Variants in TDRD12 observed in about 807,000 individuals in gnomAD.
TDRD12 encodes the protein putative ATP-dependent RNA helicase TDRD12.
A neutral mutation model predicts 133.5 loss-of-function variants in TDRD12; 158 were observed. The observed-to-expected ratio is 1.18, with a 90% CI of 1.04 to 1.35. TDRD12 has a LOEUF of 1.35. Among genes scored for constraint, TDRD12 ranks in the 40% most tolerant of loss-of-function variants. The pLI, the probability that TDRD12 is intolerant of heterozygous loss-of-function variation, is 0.00. For synonymous variants in TDRD12, 460 were observed against 477.9 expected, an observed-to-expected ratio of 0.96 and a Z score of 0.49; for missense variants, 1,443 against 1,321.3, an observed-to-expected ratio of 1.09 and a Z score of -1.43.
At chr19:32,815,328 C>T (rs956250985) in intron 25 of TDRD12, 120 bp from the exon 26 acceptor site, 17 of 791,836 alleles carry the variant, frequency 2.1e-5, no homozygotes, top group South Asian at 1.7e-4. Context: ...TTGTGGCAAG[C>T]GCCGAAGTGC....
Position 32,720,097 on chromosome 19 carries a change from G to T in TDRD12, c.24+1G>T, listed in dbSNP as rs1323530487. 6.5e-7 allele frequency: 1 copy of T among 1,547,886 alleles called. No individual in the cohort carries two copies. Among genetic ancestry groups the T allele is most frequent in the Admixed American group, 2.0e-5 (1 of 50,886 alleles). On this transcript the variant is annotated splice_donor_variant, in intron 1 of 27. Coordinates refer to ENST00000444215, the Ensembl canonical transcript of TDRD12. LOFTEE classifies it high-confidence loss of function. ...GATGCTCCAGCTCCTGGTGCTGAAGGTGAGCGCCGCCAAGCCAGACCCACG... is the reference window on the plus strand; with the variant it reads ...GATGCTCCAGCTCCTGGTGCTGAAGTTGAGCGCCGCCAAGCCAGACCCACG...
intron 10 of TDRD12, among the ~76,000 whole-genome samples, chr19:32,775,891 G>A (rs938822744): frequency 6.6e-6 from 1 of 152,102 alleles, no homozygotes; most frequent in Non-Finnish European, 1.5e-5. Context: ...GTTATGTTGC[G>A]AGATTCTGGT....
intron 1 of TDRD12, among the ~76,000 whole-genome samples, chr19:32,725,823 G>A (rs1433411480): frequency 6.6e-6 from 1 of 151,988 alleles, no homozygotes; most frequent in African/African-American, 2.4e-5. Flanking sequence ...CCATTTTCAC[G>A]ATGCTCTTCC....
intron 14 of TDRD12, among the ~76,000 whole-genome samples, chr19:32,795,378 G>A (rs993348184): frequency 7.3e-5 from 11 of 151,202 alleles, no homozygotes; most frequent in African/African-American, 1.2e-4. Context: ...AATGGATATC[G>A]AGTGTGTAAA....
chr19:32,731,271 C>T (rs1969042352), intron 1 of TDRD12, among the ~76,000 whole-genome samples: 1 of 151,980 alleles, frequency 6.6e-6, no homozygotes, highest in African/African-American at 2.4e-5. Context: ...AAGAAGAATA[C>T]AAATCAGGCA....
At chr19:32,760,511 G>A (rs2145561925) in intron 8 of TDRD12, among the ~76,000 whole-genome samples, 1 of 152,328 alleles carries the variant, frequency 6.6e-6, no homozygotes, top group East Asian at 1.9e-4. Flanking sequence ...AAGGGCTACA[G>A]TGAAAAATAA....
chr19:32,826,155 T>G, downstream of TDRD12: 1 of 1,535,866 alleles, frequency 6.5e-7, no homozygotes, highest in Non-Finnish European at 8.7e-7. Flanking sequence ...CAGCCGCCTC[T>G]GAAAAGGTAC....
At chr19:32,785,571 C>G (rs1048712224) in intron 11 of TDRD12, among the ~76,000 whole-genome samples, 2 of 152,016 alleles carry the variant, frequency 1.3e-5, no homozygotes, top group African/African-American at 4.8e-5. Flanking sequence ...GTTAAAGTCT[C>G]CCATTTATTA....
chr19:32,753,227 T>C (rs1166745226), intron 6 of TDRD12, among the ~76,000 whole-genome samples: 1 of 152,172 alleles, frequency 6.6e-6, no homozygotes, highest in East Asian at 1.9e-4. Context: ...GCAGAAAATA[T>C]TAGGAAATAT....
chr19:32,735,168 T>C (rs147498866), intron 2 of TDRD12, among the ~76,000 whole-genome samples: 272 of 152,172 alleles, frequency 1.8e-3, no homozygotes, highest in African/African-American at 6.2e-3. Flanking sequence ...AAAGCTGAGA[T>C]AGGCTGAAAG....
intron 22 of TDRD12, 63 bp from the exon 23 acceptor site, chr19:32,810,030 A>G (rs1966945063): frequency 9.8e-7 from 1 of 1,025,144 alleles, no homozygotes; most frequent in Non-Finnish European, 1.4e-6. Context: ...GATACAGGGA[A>G]TGTGTACATA....
At chr19:32,754,503 A>G (rs1969930986) in intron 6 of TDRD12, among the ~76,000 whole-genome samples, 1 of 151,972 alleles carries the variant, frequency 6.6e-6, no homozygotes, top group South Asian at 2.1e-4. Flanking sequence ...CTGCAGAACC[A>G]GTCGTTTTTT....
At chr19:32,726,126 G>A (rs774437029) in intron 1 of TDRD12, among the ~76,000 whole-genome samples, 15 of 151,462 alleles carry the variant, frequency 9.9e-5, no homozygotes, top group Non-Finnish European at 2.1e-4. Flanking sequence ...TGTCGCCCAG[G>A]CCGGAATGCA....
Position 32,815,999 on chromosome 19 carries a change from GA to G in TDRD12, c.3314+391del, listed in dbSNP as rs376754025. Among the ~76,000 whole-genome samples, 596 of 127,290 alleles carry G rather than the reference GA, an allele frequency of 4.7e-3. 9 individuals are homozygous for G. The highest frequency in any genetic ancestry group is 0.022 in the East Asian group (95 of 4,310). The allele number at this position is 127,290 out of a possible 152,430, so 83.5% of individuals were successfully genotyped here. A position where few individuals can be genotyped will look rare whatever the true frequency, so the allele number is the denominator to read the frequency against. ...CAGAGTGAGACTACGTCTCAAAAAA[GA>G]AAAAAAAAAAAGTAGAAGGGTTTTT... On this transcript the variant is annotated intron_variant, in intron 26 of 27. Transcript: ENST00000444215.
At chr19:32,824,857 A>G (rs1967533429), downstream of TDRD12, among the ~76,000 whole-genome samples, 1 of 152,052 alleles carries the variant, frequency 6.6e-6, no homozygotes, top group African/African-American at 2.4e-5. Flanking sequence ...CCCGGGGCAC[A>G]TCCTCAACTT....
chr19:32,743,193 G>A (rs1250342119), intron 4 of TDRD12, among the ~76,000 whole-genome samples: 4 of 152,172 alleles, frequency 2.6e-5, no homozygotes, highest in Middle Eastern at 3.2e-3. Flanking sequence ...ATGTGTACAC[G>A]CGCACGCGCG....
chr19:32,740,978 G>A (rs974995538), intron 3 of TDRD12, among the ~76,000 whole-genome samples: 2 of 152,200 alleles, frequency 1.3e-5, no homozygotes, highest in Non-Finnish European at 2.9e-5. Flanking sequence ...ATAGTTTCCC[G>A]TCCCAGGGTA....
At chr19:32,728,000 G>T (rs1171943863) in intron 1 of TDRD12, among the ~76,000 whole-genome samples, 1 of 152,278 alleles carries the variant, frequency 6.6e-6, no homozygotes, top group African/African-American at 2.4e-5. Context: ...TGAATATCCA[G>T]TTTTCCCAGT....
chr19:32,771,566 G>A, intron 8 of TDRD12, among the ~76,000 whole-genome samples: 1 of 150,238 alleles, frequency 6.7e-6, no homozygotes, highest in East Asian at 1.9e-4. Context: ...CGTCAGATGT[G>A]GATATTTCTC....
Sources: gnomAD v4.1 joint callset for allele counts (sites outside exome capture counted in the v4.1 genomes callset) on GRCh38, gnomAD v4.1.1 for gene constraint, MANE v1.5 for transcripts, NCBI Gene and HGNC (gene_info 2026-07-23, HGNC 2026-07-21) for gene names.